Variants in NCKAP5 observed in about 807,000 individuals in gnomAD.
NCKAP5 encodes the protein NCK associated protein 5, also known as nck-associated protein 5.
A neutral mutation model predicts 167.0 loss-of-function variants in NCKAP5; 92 were observed. The ratio of observed to expected loss-of-function variants is 0.55; its 90% CI spans 0.47 to 0.66. The LOEUF (loss-of-function observed/expected upper bound fraction) is 0.66, where lower values mean the gene tolerates loss of function less well. NCKAP5 is among the 30% of genes least tolerant of loss of function. NCKAP5 has a pLI of 0.00. For synonymous variants in NCKAP5, 891 were observed against 877.4 expected (o/e 1.02, Z -0.27); for missense variants, 2,378 against 2,315.0 (o/e 1.03, Z -0.56).
intron 19 of NCKAP5, among the ~76,000 whole-genome samples, chr2:132,686,485 A>G (rs759598459): frequency 1.3e-5 from 2 of 152,172 alleles, no homozygotes; most frequent in Non-Finnish European, 2.9e-5. Context: ...TACTGTGTAT[A>G]TCGGTTGCCA....
At chr2:133,590,945 G>C in the NCKAP5 span, among the ~76,000 whole-genome samples, 1 of 146,662 alleles carries the variant, frequency 6.8e-6, no homozygotes, top group East Asian at 2.1e-4. Context: ...GAGAGAGAGA[G>C]TGTTGTGTGT....
the NCKAP5 span, among the ~76,000 whole-genome samples, chr2:133,656,210 C>T: frequency 3.4e-4 from 52 of 152,076 alleles, no homozygotes; most frequent in Admixed American, 3.1e-3. Context: ...GCTATTTGAC[C>T]TTGGGCAAGT....
At chr2:133,487,774 A>AC (rs569556647) in intron 3 of NCKAP5, among the ~76,000 whole-genome samples, 22 of 152,174 alleles carry the variant, frequency 1.4e-4, no homozygotes, top group African/African-American at 5.1e-4. Flanking sequence ...GGTCTTACCC[A>AC]CCCCAGGCTA....
chr2:133,668,196 G>A, the NCKAP5 span, among the ~76,000 whole-genome samples: 1 of 151,780 alleles, frequency 6.6e-6, no homozygotes, highest in Non-Finnish European at 1.5e-5. Flanking sequence ...TTATCATTTG[G>A]GTTCTTTCCA....
chr2:133,035,003 T>C (rs1444940428), intron 6 of NCKAP5, among the ~76,000 whole-genome samples: 1 of 152,024 alleles, frequency 6.6e-6, no homozygotes, highest in Non-Finnish European at 1.5e-5. Flanking sequence ...CCCATTGATC[T>C]GTTGCCCACA....
At chr2:133,550,547 A>G (rs75752403) in intron 2 of NCKAP5, among the ~76,000 whole-genome samples, 31,636 of 128,742 alleles carry the variant, frequency 0.25, 4,049 homozygotes, top group East Asian at 0.34. Flanking sequence ...AAATTCAACA[A>G]CCCTTCATGC....
intron 8 of NCKAP5, among the ~76,000 whole-genome samples, chr2:132,879,133 T>A (rs2148814452): frequency 6.6e-6 from 1 of 152,268 alleles, no homozygotes; most frequent in Non-Finnish European, 1.5e-5. Context: ...CTTAAAGAAA[T>A]GCAAAACTTG....
At chr2:133,289,451 A>G (rs1309945231) in intron 4 of NCKAP5, among the ~76,000 whole-genome samples, 1 of 152,128 alleles carries the variant, frequency 6.6e-6, no homozygotes. Flanking sequence ...CCATAAAAAA[A>G]CTACTTGAAG....
At chr2:132,978,903 A>G (rs898102904) in intron 7 of NCKAP5, among the ~76,000 whole-genome samples, 7 of 152,220 alleles carry the variant, frequency 4.6e-5, no homozygotes, top group Admixed American at 4.6e-4. Flanking sequence ...TCAACCCAGC[A>G]AACTTAGCAG....
intron 11 of NCKAP5, among the ~76,000 whole-genome samples, chr2:132,803,300 A>T (rs1296982650): frequency 6.6e-6 from 1 of 152,174 alleles, no homozygotes; most frequent in African/African-American, 2.4e-5. Context: ...TGTTGCAATT[A>T]TTATTTTCCC....
At chr2:133,321,230 C>T (rs111873582) in intron 3 of NCKAP5, among the ~76,000 whole-genome samples, 2 of 152,180 alleles carry the variant, frequency 1.3e-5, no homozygotes, top group African/African-American at 4.8e-5. Context: ...ATCACAGCCA[C>T]CCCCATCCCA....
At chr2:133,171,664 T>C (rs2084255171) in intron 5 of NCKAP5, among the ~76,000 whole-genome samples, 2 of 152,210 alleles carry the variant, frequency 1.3e-5, no homozygotes, top group South Asian at 4.1e-4. Flanking sequence ...GCTTAGCTTC[T>C]TCCTCTCCCA....
At chr2:133,124,867 G>A (rs916969029) in intron 6 of NCKAP5, among the ~76,000 whole-genome samples, 4 of 152,090 alleles carry the variant, frequency 2.6e-5, no homozygotes, top group African/African-American at 9.7e-5. Flanking sequence ...GGGCAACATG[G>A]TAAAACTCCG....
intron 3 of NCKAP5, among the ~76,000 whole-genome samples, chr2:133,499,549 CTTTTTTGTTTTTTG>C (rs3050962): frequency 2.0e-5 from 3 of 151,008 alleles, no homozygotes; most frequent in Non-Finnish European, 4.4e-5. Flanking sequence ...TCTAAGTGTT[CTTTTTTGTTTTTTG>C]TTTTTTGTTT....
chr2:133,165,192 G>A (rs2083950683), intron 5 of NCKAP5, among the ~76,000 whole-genome samples: 1 of 152,306 alleles, frequency 6.6e-6, no homozygotes, highest in South Asian at 2.1e-4. Context: ...GGCCCAAAAT[G>A]TCAATAGTGT....
At chr2:133,530,683 A>C (rs1035385366) in intron 2 of NCKAP5, among the ~76,000 whole-genome samples, 2 of 152,148 alleles carry the variant, frequency 1.3e-5, no homozygotes, top group Non-Finnish European at 2.9e-5. Context: ...CACCCCTTGA[A>C]TCTGGTAGGG....
chr2:133,222,153 T>C (rs765341598), intron 4 of NCKAP5, among the ~76,000 whole-genome samples: 2 of 152,266 alleles, frequency 1.3e-5, no homozygotes, highest in African/African-American at 2.4e-5. Context: ...AGAACCCCTT[T>C]ACACTCTGCA....
chr2:132,989,605 G>T (rs988863776), intron 7 of NCKAP5, among the ~76,000 whole-genome samples: 1 of 152,174 alleles, frequency 6.6e-6, no homozygotes, highest in African/African-American at 2.4e-5. Context: ...CAGGGGGAAT[G>T]AGAATCGAAC....
At chr2:132,995,379 G>A (rs576645451) in intron 6 of NCKAP5, among the ~76,000 whole-genome samples, 5 of 152,112 alleles carry the variant, frequency 3.3e-5, no homozygotes, top group African/African-American at 7.2e-5. Context: ...GGCTGGGCAC[G>A]GTGGCTCATA....
Sources: gnomAD v4.1 joint callset for allele counts (sites outside exome capture counted in the v4.1 genomes callset) on GRCh38, gnomAD v4.1.1 for gene constraint, MANE v1.5 for transcripts, NCBI Gene and HGNC (gene_info 2026-07-23, HGNC 2026-07-21) for gene names.